ANK3: variants seen among roughly 807,000 people sequenced by gnomAD.
ANK3 encodes ankyrin 3.
A neutral mutation model predicts 370.9 loss-of-function variants in ANK3; 57 were observed. The observed-to-expected ratio is 0.15, with a 90% CI of 0.12 to 0.19. The LOEUF (loss-of-function observed/expected upper bound fraction) is 0.19. ANK3 is among the 10% of genes least tolerant of loss of function. The pLI, the probability that ANK3 is intolerant of heterozygous loss-of-function variation, is 1.00. For missense variants in ANK3, 4,439 were observed against 5,302.1 expected (o/e 0.84, Z 5.06); for synonymous variants, 1,929 against 1,946.3 (o/e 0.99, Z 0.23).
chr10:60,354,036 A>G (rs2057355368), intron 1 of ANK3, among the ~76,000 whole-genome samples: 1 of 152,248 alleles, frequency 6.6e-6, no homozygotes, highest in Non-Finnish European at 1.5e-5. Context: ...AGCATTGTAT[A>G]CTATCTATCA....
At chr10:60,275,466 C>A (rs1191864222) in intron 4 of ANK3, among the ~76,000 whole-genome samples, 1 of 152,068 alleles carries the variant, frequency 6.6e-6, no homozygotes, top group Non-Finnish European at 1.5e-5. Context: ...TTTCTATGGC[C>A]AGCCTTTGCA....
intron 23 of ANK3, among the ~76,000 whole-genome samples, chr10:60,153,563 T>C (rs1565345332): frequency 6.6e-6 from 1 of 152,152 alleles, no homozygotes; most frequent in Non-Finnish European, 1.5e-5. Flanking sequence ...TTTCAAGGGG[T>C]ATGTTTAGGT....
At chr10:60,303,153 G>C (rs1240050889) in intron 1 of ANK3, among the ~76,000 whole-genome samples, 1 of 152,152 alleles carries the variant, frequency 6.6e-6, no homozygotes, top group Non-Finnish European at 1.5e-5. Context: ...TCTGGGCAAT[G>C]ATTTTTTGCA....
chr10:60,729,346 C>G (rs1270360679), intron 1 of ANK3, among the ~76,000 whole-genome samples: 1 of 152,156 alleles, frequency 6.6e-6, no homozygotes, highest in Non-Finnish European at 1.5e-5. Context: ...TGACATCCCC[C>G]AGAGAAGTAG....
intron 1 of ANK3, among the ~76,000 whole-genome samples, chr10:60,653,163 T>G (rs1168327941): frequency 6.6e-6 from 1 of 152,188 alleles, no homozygotes; most frequent in Non-Finnish European, 1.5e-5. Flanking sequence ...AGTACCCACT[T>G]GACGAATTAT....
intron 1 of ANK3, among the ~76,000 whole-genome samples, chr10:60,353,164 T>G (rs1271756010): frequency 2.0e-5 from 3 of 150,420 alleles, no homozygotes; most frequent in East Asian, 3.9e-4. Flanking sequence ...TTTTGTTTTT[T>G]TTTTTTTTTT....
intron 5 of ANK3, among the ~76,000 whole-genome samples, chr10:60,264,261 A>G (rs2097847806): frequency 6.6e-6 from 1 of 152,200 alleles, no homozygotes; most frequent in South Asian, 2.1e-4. Flanking sequence ...CTTTTCCATT[A>G]AAAATTAATA....
intron 1 of ANK3, among the ~76,000 whole-genome samples, chr10:60,710,578 C>T (rs1233936649): frequency 6.6e-6 from 1 of 152,050 alleles, no homozygotes; most frequent in African/African-American, 2.4e-5. Context: ...TGAGTGTTTT[C>T]AAATTGGTGT....
At chr10:60,207,475 T>C (rs1461041159) in intron 10 of ANK3, among the ~76,000 whole-genome samples, 2 of 152,170 alleles carry the variant, frequency 1.3e-5, no homozygotes, top group South Asian at 2.1e-4. Context: ...ACAAGTACCA[T>C]CTTGCTGAGA....
At chr10:60,233,775 A>T (rs1315917525) in intron 8 of ANK3, among the ~76,000 whole-genome samples, 1 of 152,198 alleles carries the variant, frequency 6.6e-6, no homozygotes, top group Non-Finnish European at 1.5e-5. Context: ...CATACAACAT[A>T]AAATTTACCC....
At chr10:60,330,756 T>G (rs946610704) in intron 1 of ANK3, among the ~76,000 whole-genome samples, 1 of 152,164 alleles carries the variant, frequency 6.6e-6, no homozygotes, top group African/African-American at 2.4e-5. Flanking sequence ...CCCAGCAATC[T>G]TATCACTGGG....
intron 23 of ANK3, chr10:60,140,329 C>A (rs1246942470): frequency 6.2e-7 from 1 of 1,612,944 alleles, no homozygotes; most frequent in East Asian, 2.2e-5. Context: ...CAGCACACAC[C>A]AAGTACAACT....
intron 1 of ANK3, among the ~76,000 whole-genome samples, chr10:60,645,604 A>G (rs571623306): frequency 6.6e-6 from 1 of 152,260 alleles, no homozygotes; most frequent in African/African-American, 2.4e-5. Context: ...GGGTGCCTGT[A>G]ATCCCAACTA....
chr10:60,479,149 A>T (rs770212325), intron 2 of ANK3, among the ~76,000 whole-genome samples: 1 of 152,172 alleles, frequency 6.6e-6, no homozygotes, highest in African/African-American at 2.4e-5. Context: ...TAAAAGCATC[A>T]TAGCAACTGA....
chr10:60,058,982 T>C (rs1032760695), intron 41 of ANK3, among the ~76,000 whole-genome samples: 1 of 152,200 alleles, frequency 6.6e-6, no homozygotes, highest in Non-Finnish European at 1.5e-5. Flanking sequence ...CTTGAACTCC[T>C]GACCTCAGGT....
At chr10:60,278,968 A>AT (rs1359314831) in intron 3 of ANK3, 82 bp downstream of exon 3, 13 of 1,552,770 alleles carry the variant, frequency 8.4e-6, no homozygotes, top group Non-Finnish European at 1.2e-5. Context: ...CTTATGAGAT[A>AT]TGTGCCCCCA....
intron 2 of ANK3, among the ~76,000 whole-genome samples, chr10:60,404,189 C>A (rs2063407027): frequency 6.8e-6 from 1 of 147,970 alleles, no homozygotes; most frequent in South Asian, 2.2e-4. Flanking sequence ...GTAGATTCAA[C>A]ATGATCCAAT....
chr10:60,555,704 G>A (rs563165313), intron 2 of ANK3, among the ~76,000 whole-genome samples: 13 of 152,050 alleles, frequency 8.5e-5, no homozygotes, highest in South Asian at 6.2e-4. Context: ...AGTTTGGACC[G>A]GTAGACTGTG....
At chr10:60,396,901 T>C (rs1278857449) in intron 2 of ANK3, among the ~76,000 whole-genome samples, 3 of 152,230 alleles carry the variant, frequency 2.0e-5, no homozygotes, top group African/African-American at 7.2e-5. Context: ...GCTGTGATGC[T>C]GAAATACAAT....
Sources: allele counts gnomAD v4.1 joint callset (sites outside exome capture counted in the v4.1 genomes callset), GRCh38; gene constraint gnomAD v4.1.1; transcripts MANE v1.5; gene names NCBI Gene and HGNC (gene_info 2026-07-23, HGNC 2026-07-21).